KIF17: variants seen among roughly 807,000 people sequenced by gnomAD.
KIF17 encodes kinesin-like protein KIF17.
In KIF17, 80 loss-of-function variants were observed where a neutral mutation model predicts 96.8. That is an observed-to-expected ratio of 0.83 (90% CI 0.69 to 1.00). KIF17 has a LOEUF of 1.00. Ranked by LOEUF, KIF17 falls within the 50% of genes least tolerant of loss-of-function variation. The pLI, the probability that KIF17 is intolerant of heterozygous loss-of-function variation, is 0.00. For synonymous variants in KIF17, 567 were observed against 587.5 expected (o/e 0.97, Z 0.51); for missense variants, 1,280 against 1,372.9 (o/e 0.93, Z 1.07).
intron 9 of KIF17, 37 bp downstream of exon 9, chr1:20,686,009 C>A: frequency 2.0e-6 from 3 of 1,506,806 alleles, no homozygotes; most frequent in Non-Finnish European, 2.7e-6. Flanking sequence ...TTGAAGAGAA[C>A]CCCGTCCCCC....
rs35262169 is a variant in KIF17 at position 20,675,150 on chromosome 1, CAAAA to C, written c.2464-2958_2464-2955del. On this transcript the variant is annotated intron_variant, in intron 11 of 14. Transcript: ENST00000400463. ...TGGGTGACAGAGCAAGACTCCATCT[CAAAA>C]AAAAAAAAAAGGGCCGGGTGCGGTG... is the stretch of plus-strand genomic sequence containing the variant. Among the ~76,000 whole-genome samples, 10 of 115,786 alleles carry C rather than the reference CAAAA, an allele frequency of 8.6e-5. No homozygotes were observed. In the Admixed American group the frequency reaches 9.2e-4, roughly 11 times the overall value. The allele number at this position is 115,786 out of a possible 152,430, so 76.0% of individuals were successfully genotyped here. A position where few individuals can be genotyped will look rare whatever the true frequency, so the allele number is the denominator to read the frequency against.
At chr1:20,708,450 C>T (rs1458268641) in intron 4 of KIF17, among the ~76,000 whole-genome samples, 1 of 152,214 alleles carries the variant, frequency 6.6e-6, no homozygotes, top group Non-Finnish European at 1.5e-5. Context: ...TGTACCATCA[C>T]ACCCAGCTAA....
chr1:20,662,679 C>T (rs1280000979), downstream of KIF17, among the ~76,000 whole-genome samples: 1 of 152,198 alleles, frequency 6.6e-6, no homozygotes, highest in Non-Finnish European at 1.5e-5. Flanking sequence ...AGGCTCTTTG[C>T]TCTCAGGTCT....
chr1:20,712,751 AATTAT>A lies in KIF17; in HGVS notation c.480+698_480+702del, dbSNP rs1285274350. On this transcript the variant is annotated intron_variant, in intron 3 of 14. Coordinates refer to ENST00000400463, the MANE Select transcript of KIF17 (RefSeq NM_001122819.3). ...ATATCTATATATATTATATATATAAAATTATATTATATCTATATATAATATAGATA... is the reference window on the plus strand; with the variant it reads ...ATATCTATATATATTATATATATAAAATTATATCTATATATAATATAGATA... Among the ~76,000 whole-genome samples, 171 of 25,798 alleles carry A rather than the reference AATTAT, an allele frequency of 6.6e-3. 38 individuals carry two copies. Among genetic ancestry groups the A allele is most frequent in the African/African-American group, 0.017 (148 of 8,932 alleles). The allele number at this position is 25,798 out of a possible 152,430, so 16.9% of individuals were successfully genotyped here.
intron 13 of KIF17, among the ~76,000 whole-genome samples, chr1:20,666,700 T>C (rs1223861355): frequency 2.6e-5 from 4 of 152,242 alleles, no homozygotes; most frequent in Non-Finnish European, 5.9e-5. Context: ...GTTCATAGAA[T>C]AGGCAATGCG....
At chr1:20,674,589 T>C (rs2053704340) in intron 11 of KIF17, among the ~76,000 whole-genome samples, 1 of 151,794 alleles carries the variant, frequency 6.6e-6, no homozygotes, top group South Asian at 2.1e-4. Context: ...TTTTTTTTTT[T>C]TTAAGTAACT....
At position 20,704,807 on chromosome 1, in the gene KIF17, C is replaced by T. The variant is rs372872118; in HGVS notation, c.763G>A (p.Glu255Lys). ...ERQSKTGATG[E>K]RLKEATKINL... ...ATCTTGGTGGCCTCCTTGAGCCGCT[C>T]GCCCGTGGCCCCGGTCTTGGACTGC... The change falls in exon 5 of 15, where the codon GAG becomes AAG. Residue 255 changes from glutamate (E) to lysine (K), a missense_variant. Coordinates refer to ENST00000400463, the MANE Select transcript of KIF17 (RefSeq NM_001122819.3). The surrounding 1 kb of genome is among the most constrained non-coding windows in gnomAD (Gnocchi z 6.8). The T allele has an allele frequency of 7.5e-6, 12 of 1,608,324 alleles. No individual in the cohort carries two copies. The highest frequency in any genetic ancestry group is 1.3e-5 in the African/African-American group (1 of 74,936).
At chr1:20,717,444 C>CGCCTGCAGGGCG (rs1553153485) in intron 1 of KIF17, 32 bp downstream of exon 1, 3 of 1,607,220 alleles carry the variant, frequency 1.9e-6, no homozygotes, top group African/African-American at 2.7e-5. Context: ...CATGCCCTGC[C>CGCCTGCAGGGCG]GCCTGCAGGG....
At chr1:20,679,009 A>G (rs1311796590) in intron 11 of KIF17, among the ~76,000 whole-genome samples, 1 of 151,750 alleles carries the variant, frequency 6.6e-6, no homozygotes, top group Non-Finnish European at 1.5e-5. Flanking sequence ...GGCAAAAAAA[A>G]AAAAAAAAAA....
intron 2 of KIF17, 98 bp from the exon 3 acceptor site, chr1:20,713,653 T>C (rs768901910): frequency 2.7e-5 from 24 of 874,244 alleles, no homozygotes; most frequent in Non-Finnish European, 4.3e-5. Context: ...CACCAGGACA[T>C]CATGGGAGGA....
intron 6 of KIF17, among the ~76,000 whole-genome samples, chr1:20,695,137 C>T (rs1355120090): frequency 2.0e-5 from 3 of 147,890 alleles, no homozygotes; most frequent in Admixed American, 6.7e-5. Context: ...CGCACACACA[C>T]GCACACACAC....
Position 20,709,978 on chromosome 1 carries a change from G to A in KIF17, c.481-150C>T, listed in dbSNP as rs2054409881. 1.3e-6 allele frequency: 1 copy of A among 765,652 alleles called. No individual in the cohort carries two copies. Among genetic ancestry groups the A allele is most frequent in the Admixed American group, 2.0e-5 (1 of 49,210 alleles). 47.4% of individuals were successfully genotyped at this position (765,652 alleles called of 1,614,324 possible). ...GCACCTCACATGCCTGTCACAGGGA[G>A]GGGTGTGTTCCAGGCCCAGCCAGCC... On this transcript the variant is annotated intron_variant, in intron 3 of 14. Transcript: ENST00000400463. This position sits in a 1 kb window ranked among gnomAD's most constrained non-coding sequence, Gnocchi z 4.7.
chr1:20,694,565 A>C (rs2054099831), intron 6 of KIF17, among the ~76,000 whole-genome samples: 1 of 152,198 alleles, frequency 6.6e-6, no homozygotes, highest in Non-Finnish European at 1.5e-5. Flanking sequence ...GGGGACAAGG[A>C]CAGGGATGGC....
rs749266864 is a variant in KIF17 at position 20,704,473 on chromosome 1, T to A, written c.1097A>T (p.Gln366Leu). Residue 366 changes from glutamine to leucine, a missense_variant, in exon 5 of 15, where the codon CAG becomes CTG. Transcript: ENST00000400463. The surrounding 1 kb of genome is among the most constrained non-coding windows in gnomAD (Gnocchi z 6.8). ...EIKKLKAILTQQMSPSSLSAL... is the reference protein window; with the variant it reads ...EIKKLKAILTLQMSPSSLSAL... ...TGACAGGCTGCTGGGGCTCATCTGC[T>A]GTGTCAGGATGGCCTTGAGCTTCTT... 3 of 1,614,152 alleles carry A rather than the reference T, an allele frequency of 1.9e-6. No homozygotes were observed. The highest frequency in any genetic ancestry group is 2.5e-6 in the Non-Finnish European group (3 of 1,179,992).
Position 20,685,496 on chromosome 1 carries a change from C to T in KIF17, c.2020-476G>A, listed in dbSNP as rs540344293. Among the ~76,000 whole-genome samples, 2 of 152,104 alleles carry T rather than the reference C, an allele frequency of 1.3e-5. No homozygotes were observed. Among genetic ancestry groups the T allele is most frequent in the South Asian group, 2.1e-4 (1 of 4,816 alleles). ...TTGCTATCCCCTCTGCTTGCTGCTT[C>T]CCCCCGTCCCTCCTTCACGCCTGGG... On this transcript the variant is annotated intron_variant, in intron 9 of 14. Transcript: ENST00000400463. The surrounding 1 kb of genome is among the most constrained non-coding windows in gnomAD (Gnocchi z 4.1).
In KIF17 at chr1:20,686,048, G is replaced by T; in HGVS notation, c.2017C>A (p.Pro673Thr). ...TGGAGGCCCGGGGAGGTACTCACAG[G>T]CCTGGGCGGGAAGTCATCAGCCGCC... ...AEAADDFPPR[P>T]EVDLASEVAL... Residue 673 changes from proline to threonine, a missense_variant and splice_region_variant, in exon 9 of 15, where the codon CCT becomes ACT. Pro to Thr is a conservative substitution (Grantham distance 38). Coordinates refer to ENST00000400463, the MANE Select transcript of KIF17 (RefSeq NM_001122819.3). 6.4e-7 allele frequency: 1 copy of T among 1,555,026 alleles called. No homozygotes were observed. The highest frequency in any genetic ancestry group is 8.7e-7 in the Non-Finnish European group (1 of 1,148,678).
At position 20,717,571 on chromosome 1, in the gene KIF17, C is replaced by A; in HGVS notation, c.136G>T (p.Asp46Tyr). Reference protein sequence around the residue: ...QCCIQNPGAADEPPKQFTFDG... With the variant: ...QCCIQNPGAAYEPPKQFTFDG... ...AAGGTGAACTGCTTGGGCGGCTCGT[C>A]GGCGGCGCCCGGGTTCTGGATGCAG... Residue 46 changes from aspartate to tyrosine, a missense_variant, in exon 1 of 15, where the codon GAC (aspartate) becomes TAC (tyrosine). By Grantham distance (160) the Asp-to-Tyr change is radical (BLOSUM62 -3). Transcript: ENST00000400463. 1 of 1,611,712 alleles carries A rather than the reference C, an allele frequency of 6.2e-7. No homozygotes were observed.
chr1:20,696,601 A>AG (rs1296082971), intron 6 of KIF17, among the ~76,000 whole-genome samples: 45 of 152,100 alleles, frequency 3.0e-4, no homozygotes, highest in African/African-American at 1.1e-3. Context: ...GGTGACCACC[A>AG]GGGGGAGGCA....
chr1:20,702,788 T>G (rs970080298), intron 5 of KIF17, among the ~76,000 whole-genome samples: 1 of 152,232 alleles, frequency 6.6e-6, no homozygotes, highest in African/African-American at 2.4e-5. Context: ...CAGATAGACC[T>G]GGCTGACCAT....
Sources: allele counts gnomAD v4.1 joint callset (sites outside exome capture counted in the v4.1 genomes callset), GRCh38; gene constraint gnomAD v4.1.1; non-coding constraint Gnocchi (gnomAD v3.1); transcripts MANE v1.5; gene names NCBI Gene and HGNC (gene_info 2026-07-23, HGNC 2026-07-21).